Variants in C1orf105 observed in about 807,000 individuals in gnomAD.
The protein encoded by C1orf105 is uncharacterized protein C1orf105.
Under a neutral mutation model 20.8 loss-of-function variants are expected in C1orf105, and 17 were observed. The ratio of observed to expected loss-of-function variants is 0.82; its 90% CI spans 0.56 to 1.23. The LOEUF is 1.23. C1orf105 is among the 50% of genes most tolerant of loss of function. The pLI, the probability that C1orf105 is intolerant of heterozygous loss-of-function variation, is 0.00. For synonymous variants in C1orf105, 72 were observed against 72.1 expected (o/e 1.00, Z 0.01); for missense variants, 219 against 213.5 (o/e 1.03, Z -0.16).
At chr1:172,437,561 A>T (rs2072077503) in intron 1 of C1orf105, among the ~76,000 whole-genome samples, 1 of 113,998 alleles carries the variant, frequency 8.8e-6, no homozygotes, top group East Asian at 3.0e-4. Context: ...AGGGTGGGGA[A>T]CATCACACAC....
intron 3 of C1orf105, chr1:172,453,277 T>C (rs992206081): frequency 1.4e-6 from 2 of 1,396,902 alleles, no homozygotes; most frequent in East Asian, 2.5e-5. Flanking sequence ...CTCTGTCTTT[T>C]TGAACACAAA....
At chr1:172,425,536 A>G (rs2071700974) in intron 1 of C1orf105, among the ~76,000 whole-genome samples, 1 of 152,068 alleles carries the variant, frequency 6.6e-6, no homozygotes, top group Non-Finnish European at 1.5e-5. Context: ...TCTCCCCTGC[A>G]GCTGAGCCCT....
In C1orf105 at chr1:172,463,883, T is replaced by C. The variant is rs541290336; in HGVS notation, c.342-1416T>C. 3.4e-4 allele frequency among the ~76,000 whole-genome samples: 52 copies of C among 152,334 alleles called. No individual in the cohort carries two copies. The Middle Eastern group carries it at 0.014, about 40-fold the overall frequency. On this transcript the variant is annotated intron_variant, in intron 5 of 6. Transcript: ENST00000367727. ...TGTTGTATTCTGTTTTTCAGTGTTA[T>C]GGAGGAAAACATACCACTTCTGTGT...
At position 172,448,489 on chromosome 1, in the gene C1orf105, G is replaced by T; in HGVS notation, c.156G>T (p.Met52Ile). Residue 52 changes from methionine to isoleucine, a missense_variant, in exon 3 of 7, where the codon ATG becomes ATT. Transcript: ENST00000367727. Reference sequence around the variant, plus strand: ...TTCTGACTTCATCCAAGAAGAATATGAATTTGCCAATTTTGTTTCAAGTTC... The same window carrying T: ...TTCTGACTTCATCCAAGAAGAATATTAATTTGCCAATTTTGTTTCAAGTTC... ...ATFLTSSKKN[M>I]NLPILFQVPD... 6.2e-7 allele frequency: 1 copy of T among 1,613,742 alleles called. No homozygotes were observed. The highest frequency in any genetic ancestry group is 8.5e-7 in the Non-Finnish European group (1 of 1,179,674).
chr1:172,435,643 T>C (rs1488619775), intron 1 of C1orf105, among the ~76,000 whole-genome samples: 1 of 152,220 alleles, frequency 6.6e-6, no homozygotes, highest in Non-Finnish European at 1.5e-5. Flanking sequence ...AATATCATAC[T>C]GAATGGGCAG....
At chr1:172,434,758 C>T (rs2071982931) in intron 1 of C1orf105, among the ~76,000 whole-genome samples, 1 of 152,150 alleles carries the variant, frequency 6.6e-6, no homozygotes, top group Non-Finnish European at 1.5e-5. Context: ...CAGAGCAGAA[C>T]TGAAGGAGAT....
chr1:172,444,291 G>T, intron 1 of C1orf105: 3 of 985,456 alleles, frequency 3.0e-6, no homozygotes, highest in Non-Finnish European at 3.6e-6. Context: ...ACTGGGTAAG[G>T]CAAGAGAGGA....
At chr1:172,459,488 G>A (rs763640165) in intron 4 of C1orf105, among the ~76,000 whole-genome samples, 1 of 152,026 alleles carries the variant, frequency 6.6e-6, no homozygotes, top group Non-Finnish European at 1.5e-5. Context: ...AAACCACAAT[G>A]AGACACACTT....
In C1orf105 at chr1:172,468,438, C is replaced by A; in HGVS notation, c.407-11C>A. The stretch of plus-strand genomic sequence containing the variant: ...TCCTTATCCTTCTTTCCTTCTTGTA[C>A]TGTCATCCAGAAAGCATTCACTACA... On this transcript the variant is annotated splice_polypyrimidine_tract_variant and intron_variant, in intron 6 of 6. Coordinates refer to ENST00000367727, the MANE Select transcript of C1orf105 (RefSeq NM_139240.4). The A allele has an allele frequency of 6.2e-7, 1 of 1,605,256 alleles. No individual in the cohort carries two copies. The highest frequency in any genetic ancestry group is 1.1e-5 in the South Asian group (1 of 89,866).
chr1:172,436,633 A>G (rs915837186), intron 1 of C1orf105, among the ~76,000 whole-genome samples: 36 of 152,260 alleles, frequency 2.4e-4, no homozygotes, highest in Admixed American at 1.8e-3. Context: ...TAAAACCATA[A>G]AAACCCTAGA....
At chr1:172,428,681 T>A (rs1215633082) in intron 1 of C1orf105, 1 of 582,054 alleles carries the variant, frequency 1.7e-6, no homozygotes, top group Non-Finnish European at 3.0e-6. Context: ...GCTATGCCAC[T>A]TTTTTCTTTT....
intron 2 of C1orf105, among the ~76,000 whole-genome samples, chr1:172,446,500 G>C (rs1353797153): frequency 3.9e-5 from 6 of 152,246 alleles, no homozygotes. Context: ...CCAGAGGCCA[G>C]ATCCACTGGG....
In C1orf105 at chr1:172,443,433, T is replaced by A. The variant is rs1006310195; in HGVS notation, c.22-1640T>A. The stretch of plus-strand genomic sequence containing the variant: ...TACAGAAAGGTATGAGCTCTATAGT[T>A]TAACCAAAATCAAAGCCTCAAAGAA... On this transcript the variant is annotated intron_variant, in intron 1 of 6. Coordinates refer to ENST00000367727, the MANE Select transcript of C1orf105 (RefSeq NM_139240.4). 3 of 166,990 alleles carry A rather than the reference T, an allele frequency of 1.8e-5. No homozygotes were observed. The Admixed American group carries it at 2.0e-4, about 11-fold the overall frequency. The allele number at this position is 166,990 out of a possible 1,614,324, so 10.3% of individuals were successfully genotyped here. A position where few individuals can be genotyped will look rare whatever the true frequency, so the allele number is the denominator to read the frequency against.
At position 172,456,353 on chromosome 1, in the gene C1orf105, A is replaced by G. The variant is rs1221547222; in HGVS notation, c.199-62A>G. 4 of 1,431,556 alleles carry G rather than the reference A, an allele frequency of 2.8e-6. No individual in the cohort carries two copies. The East Asian group carries it at 6.8e-5, about 24-fold the overall frequency. 88.7% of individuals were successfully genotyped at this position (1,431,556 alleles called of 1,614,324 possible). Reference sequence around the variant, plus strand: ...TCTCACCCCTCCACTGCTTTCCTACATCTTTGCTGCCCTACATGCCCCACC... The same window carrying G: ...TCTCACCCCTCCACTGCTTTCCTACGTCTTTGCTGCCCTACATGCCCCACC... On this transcript the variant is annotated intron_variant, in intron 3 of 6. Transcript: ENST00000367727.
chr1:172,426,660 C>A (rs2071731064), intron 1 of C1orf105, among the ~76,000 whole-genome samples: 1 of 151,860 alleles, frequency 6.6e-6, no homozygotes, highest in Non-Finnish European at 1.5e-5. Context: ...AAAATTAAAA[C>A]CTTGTCTTTC....
chr1:172,446,936 G>A (rs1049923027), intron 2 of C1orf105, among the ~76,000 whole-genome samples: 46 of 152,186 alleles, frequency 3.0e-4, no homozygotes, highest in African/African-American at 1.0e-3. Context: ...GAGGATTGGG[G>A]TAGCAATCTT....
chr1:172,453,734 T>C (rs927604753), intron 3 of C1orf105, among the ~76,000 whole-genome samples: 1 of 152,158 alleles, frequency 6.6e-6, no homozygotes, highest in African/African-American at 2.4e-5. Context: ...AAATCAAGAA[T>C]AGTGCAAATA....
At chr1:172,423,183 G>A (rs2149154518) in intron 1 of C1orf105, among the ~76,000 whole-genome samples, 1 of 152,314 alleles carries the variant, frequency 6.6e-6, no homozygotes, top group African/African-American at 2.4e-5. Context: ...GCAAGACCCA[G>A]TGCTATGCTG....
At chr1:172,442,549 G>C in intron 1 of C1orf105, 1 of 1,614,164 alleles carries the variant, frequency 6.2e-7, no homozygotes, top group Non-Finnish European at 8.5e-7. Flanking sequence ...ATAGTTATCA[G>C]GAAAGGGCTG....
Sources: gnomAD v4.1 joint callset for allele counts (sites outside exome capture counted in the v4.1 genomes callset) on GRCh38, gnomAD v4.1.1 for gene constraint, MANE v1.5 for transcripts, NCBI Gene and HGNC (gene_info 2026-07-23, HGNC 2026-07-21) for gene names.